Variants in HS3ST4 observed in about 807,000 individuals in gnomAD.
HS3ST4 encodes heparan sulfate glucosamine 3-O-sulfotransferase 4.
HS3ST4 carries 17 observed loss-of-function variants against 29.2 expected under a neutral mutation model. That is an observed-to-expected ratio of 0.58 (90% confidence interval 0.40 to 0.87). The LOEUF is 0.87. HS3ST4 is among the 40% of genes least tolerant of loss of function. The pLI is 0.00. For synonymous variants in HS3ST4, 314 were observed against 285.7 expected, an observed-to-expected ratio of 1.10 and a Z score of -1.00; for missense variants, 627 against 634.5, an observed-to-expected ratio of 0.99 and a Z score of 0.13.
At chr16:25,915,887 C>G (rs895039582) in intron 1 of HS3ST4, among the ~76,000 whole-genome samples, 5 of 152,124 alleles carry the variant, frequency 3.3e-5, no homozygotes. Context: ...GTTCCATGAT[C>G]TGGAAGAAAA....
intron 1 of HS3ST4, among the ~76,000 whole-genome samples, chr16:25,846,402 CAGGTACCTAT>C (rs1441639826): frequency 6.6e-6 from 1 of 152,134 alleles, no homozygotes; most frequent in East Asian, 1.9e-4. Context: ...GGTGCAGGGA[CAGGTACCTAT>C]AGTTCCAGCT....
intron 1 of HS3ST4, among the ~76,000 whole-genome samples, chr16:25,932,936 A>T (rs972497462): frequency 1.3e-5 from 2 of 152,226 alleles, no homozygotes; most frequent in Non-Finnish European, 2.9e-5. Context: ...GATCTCAGAC[A>T]CAGTAGATCA....
chr16:25,903,302 G>GTGTGTGTGTGTGTA lies in HS3ST4; in HGVS notation c.734+210152_734+210153insGTGTGTGTGTGTAT, dbSNP rs151301516. Reference sequence around the variant, plus strand: ...TGTGTGTGTGTGTGTGTGTGTGTGTGTATGTATATGTATATATTATATATA... The same window carrying GTGTGTGTGTGTGTA: ...TGTGTGTGTGTGTGTGTGTGTGTGTGTGTGTGTGTGTGTATATGTATATGTATATATTATATATA... On this transcript the variant is annotated intron_variant, in intron 1 of 1. Transcript: ENST00000331351. 8.5e-4 allele frequency among the ~76,000 whole-genome samples: 88 copies of GTGTGTGTGTGTGTA among 103,490 alleles called. 1 individual carries two copies. Among genetic ancestry groups the GTGTGTGTGTGTGTA allele is most frequent in the African/African-American group, 3.3e-3 (87 of 26,314 alleles). The allele number at this position is 103,490 out of a possible 152,430, so 67.9% of individuals were successfully genotyped here. A position where few individuals can be genotyped will look rare whatever the true frequency, so the allele number is the denominator to read the frequency against.
At chr16:26,054,134 GC>G in intron 1 of HS3ST4, among the ~76,000 whole-genome samples, 4 of 152,136 alleles carry the variant, frequency 2.6e-5, no homozygotes, top group Admixed American at 2.6e-4. Context: ...CCTACCAGGT[GC>G]CCTGGGCAAG....
chr16:25,791,786 G>C (rs1003861076), intron 1 of HS3ST4, among the ~76,000 whole-genome samples: 3 of 151,934 alleles, frequency 2.0e-5, no homozygotes, highest in African/African-American at 7.2e-5. Context: ...ATATTCTTTT[G>C]TATTTCCTGT....
At chr16:25,982,558 G>T (rs1969018985) in intron 1 of HS3ST4, among the ~76,000 whole-genome samples, 1 of 152,188 alleles carries the variant, frequency 6.6e-6, no homozygotes, top group Admixed American at 6.5e-5. Context: ...GTCAGGCACG[G>T]TGGCTTAGGC....
chr16:25,848,519 C>T (rs1967488265), intron 1 of HS3ST4, among the ~76,000 whole-genome samples: 1 of 151,260 alleles, frequency 6.6e-6, no homozygotes, highest in African/African-American at 2.4e-5. Flanking sequence ...TTTAAAAATC[C>T]TTAATAATGA....
intron 1 of HS3ST4, among the ~76,000 whole-genome samples, chr16:26,011,062 A>G (rs1969305632): frequency 6.6e-6 from 1 of 152,172 alleles, no homozygotes; most frequent in African/African-American, 2.4e-5. Flanking sequence ...TCAGGAAGGA[A>G]AACAAGTCCA....
intron 1 of HS3ST4, among the ~76,000 whole-genome samples, chr16:25,814,538 A>G (rs9923291): frequency 0.3 from 45,410 of 151,770 alleles, 7,254 homozygotes; most frequent in African/African-American, 0.39. Context: ...GTAGAGACGG[A>G]GTTTCACCAT....
chr16:25,989,603 A>G (rs758074714), intron 1 of HS3ST4, among the ~76,000 whole-genome samples: 1 of 152,208 alleles, frequency 6.6e-6, no homozygotes, highest in Non-Finnish European at 1.5e-5. Flanking sequence ...ATAGCTCAAC[A>G]TAAGTTTCGT....
At chr16:26,097,161 A>T (rs917150532) in intron 1 of HS3ST4, among the ~76,000 whole-genome samples, 24 of 152,356 alleles carry the variant, frequency 1.6e-4, no homozygotes, top group African/African-American at 5.5e-4. Flanking sequence ...ATACTGCCCA[A>T]GGTAATTTAT....
intron 1 of HS3ST4, among the ~76,000 whole-genome samples, chr16:25,887,691 A>ATTTT (rs768447504): frequency 2.0e-4 from 18 of 91,514 alleles, no homozygotes; most frequent in African/African-American, 3.4e-4. Flanking sequence ...GCTACACCTG[A>ATTTT]TTTTTTTTTT....
chr16:25,852,857 TA>T (rs1296530022), intron 1 of HS3ST4, among the ~76,000 whole-genome samples: 2 of 152,242 alleles, frequency 1.3e-5, no homozygotes, highest in East Asian at 3.8e-4. Flanking sequence ...TTGAAGTTTT[TA>T]ATTCATCTCC....
At chr16:25,854,381 A>T (rs1967552582) in intron 1 of HS3ST4, among the ~76,000 whole-genome samples, 1 of 152,212 alleles carries the variant, frequency 6.6e-6, no homozygotes, top group South Asian at 2.1e-4. Flanking sequence ...CATGCTAATG[A>T]ATTGTAATTA....
At chr16:25,988,523 T>G (rs1969084194) in intron 1 of HS3ST4, among the ~76,000 whole-genome samples, 2 of 152,226 alleles carry the variant, frequency 1.3e-5, no homozygotes, top group African/African-American at 4.8e-5. Flanking sequence ...CACAGGCCTT[T>G]GGAGAGATTG....
chr16:25,785,819 C>T (rs187540236), intron 1 of HS3ST4, among the ~76,000 whole-genome samples: 3 of 152,060 alleles, frequency 2.0e-5, no homozygotes, highest in Non-Finnish European at 4.4e-5. Flanking sequence ...TGACACAAGC[C>T]GGGAGAGGGG....
intron 1 of HS3ST4, among the ~76,000 whole-genome samples, chr16:25,770,218 A>G (rs1474921793): frequency 2.0e-5 from 3 of 152,200 alleles, no homozygotes; most frequent in African/African-American, 7.2e-5. Context: ...GAGATGAATA[A>G]AAGTTCCTGC....
chr16:25,720,975 G>A (rs934134227), intron 1 of HS3ST4, among the ~76,000 whole-genome samples: 1 of 152,184 alleles, frequency 6.6e-6, no homozygotes, highest in East Asian at 1.9e-4. Context: ...CTAGAGCTGG[G>A]CACGTTGTTG....
At chr16:25,907,224 A>G (rs1968187988) in intron 1 of HS3ST4, among the ~76,000 whole-genome samples, 1 of 152,094 alleles carries the variant, frequency 6.6e-6, no homozygotes, top group African/African-American at 2.4e-5. Flanking sequence ...ATAAAAAAAG[A>G]TACTTTGGCA....
Sources: gnomAD v4.1 joint callset for allele counts (sites outside exome capture counted in the v4.1 genomes callset) on GRCh38, gnomAD v4.1.1 for gene constraint, MANE v1.5 for transcripts, NCBI Gene and HGNC (gene_info 2026-07-23, HGNC 2026-07-21) for gene names.